PRELID3A: variants seen among roughly 807,000 people sequenced by gnomAD.
The protein encoded by PRELID3A is PRELI domain containing 3A, also known as PRELI domain containing protein 3A.
In PRELID3A, 27 loss-of-function variants were observed where a neutral mutation model predicts 23.0. The ratio of observed to expected loss-of-function variants is 1.17; its 90% CI spans 0.87 to 1.62. The LOEUF is 1.62. Among genes scored for constraint, PRELID3A ranks in the 40% most tolerant of loss-of-function variants. The pLI is 0.00. For synonymous variants in PRELID3A, 87 were observed against 86.4 expected, an observed-to-expected ratio of 1.01 and a Z score of -0.04; for missense variants, 231 against 231.4, an observed-to-expected ratio of 1.00 and a Z score of 0.01.
At chr18:12,429,459 TG>T in intron 6 of PRELID3A, 23 bp downstream of exon 6, 24 of 1,483,088 alleles carry the variant, frequency 1.6e-5, no homozygotes, top group East Asian at 2.3e-5. Context: ...TTCACTCACC[TG>T]GGGGGGTACT....
In PRELID3A at chr18:12,407,971, C is replaced by A; in HGVS notation, c.-5C>A. On this transcript the variant is annotated 5_prime_UTR_variant, in exon 1 of 7. Transcript: ENST00000440960. ...TCGCAGAGCCCGCGCCCTGCGCCGGCGGCAATGAAGATCTGGAGCTCGGAG... is the reference window on the plus strand; with the variant it reads ...TCGCAGAGCCCGCGCCCTGCGCCGGAGGCAATGAAGATCTGGAGCTCGGAG... The A allele has an allele frequency of 2.3e-6, 3 of 1,296,670 alleles. No individual in the cohort carries two copies. Among genetic ancestry groups the A allele is most frequent in the South Asian group, 2.5e-5 (1 of 40,328 alleles). 80.3% of individuals were successfully genotyped at this position (1,296,670 alleles called of 1,614,324 possible). A position where few individuals can be genotyped will look rare whatever the true frequency, so the allele number is the denominator to read the frequency against.
intron 3 of PRELID3A, among the ~76,000 whole-genome samples, chr18:12,424,817 C>T (rs2030303843): frequency 6.6e-6 from 1 of 152,186 alleles, no homozygotes; most frequent in African/African-American, 2.4e-5. Flanking sequence ...TGGCAGCCAC[C>T]AGCAACATGT....
intron 5 of PRELID3A, among the ~76,000 whole-genome samples, chr18:12,428,767 A>G (rs2143400966): frequency 6.6e-6 from 1 of 152,354 alleles, no homozygotes; most frequent in Non-Finnish European, 1.5e-5. Context: ...TGCTTGGCTT[A>G]GGGCAGAAGC....
chr18:12,429,139 C>T (rs935390165), intron 5 of PRELID3A, among the ~76,000 whole-genome samples: 1 of 152,178 alleles, frequency 6.6e-6, no homozygotes, highest in African/African-American at 2.4e-5. Flanking sequence ...GGTTTGCTAA[C>T]ACAGCAGTGA....
At position 12,423,971 on chromosome 18, in the gene PRELID3A, A is replaced by G. The variant is rs557277906; in HGVS notation, c.291+2342A>G. 9.1e-4 allele frequency among the ~76,000 whole-genome samples: 138 copies of G among 152,298 alleles called. 1 individual carries two copies. The highest frequency in any genetic ancestry group is 3.4e-3 in the Middle Eastern group (1 of 294). Reference sequence around the variant, plus strand: ...AGCCACACTCTGCCCAGCTGGGAGCACCTTCCGTAGAAGGCAGTGGGTGCA... The same window carrying G: ...AGCCACACTCTGCCCAGCTGGGAGCGCCTTCCGTAGAAGGCAGTGGGTGCA... On this transcript the variant is annotated intron_variant, in intron 3 of 6. Transcript: ENST00000440960.
chr18:12,411,147 G>C (rs921457426), intron 1 of PRELID3A, among the ~76,000 whole-genome samples: 2 of 151,844 alleles, frequency 1.3e-5, no homozygotes, highest in Non-Finnish European at 2.9e-5. Context: ...ATTAACGTGT[G>C]TGTTACCTAG....
chr18:12,424,510 G>A (rs1472238048), intron 3 of PRELID3A, among the ~76,000 whole-genome samples: 1 of 152,196 alleles, frequency 6.6e-6, no homozygotes, highest in Non-Finnish European at 1.5e-5. Flanking sequence ...ATTTGTAATT[G>A]ATGCTGTTAG....
intron 5 of PRELID3A, among the ~76,000 whole-genome samples, chr18:12,427,941 TGTCATAAGCTCA>T (rs931524891): frequency 2.4e-4 from 36 of 152,244 alleles, no homozygotes; most frequent in Admixed American, 1.6e-3. Context: ...AGAGCCCAAA[TGTCATAAGCTCA>T]GTTACCAAAG....
intron 3 of PRELID3A, among the ~76,000 whole-genome samples, chr18:12,424,821 AAC>A (rs1476526899): frequency 6.6e-6 from 1 of 152,252 alleles, no homozygotes; most frequent in African/African-American, 2.4e-5. Flanking sequence ...AGCCACCAGC[AAC>A]ATGTGGCTAT....
intron 1 of PRELID3A, among the ~76,000 whole-genome samples, chr18:12,409,564 A>AT (rs1195717863): frequency 2.0e-5 from 3 of 152,150 alleles, no homozygotes; most frequent in African/African-American, 7.2e-5. Context: ...ATGGGATCTA[A>AT]TTTTTTGTAT....
At chr18:12,430,676 G>A (rs549519812) in intron 6 of PRELID3A, among the ~76,000 whole-genome samples, 35 of 59,060 alleles carry the variant, frequency 5.9e-4, no homozygotes, top group Admixed American at 2.3e-3. Context: ...TGTATGATGT[G>A]TATGTGATTG....
chr18:12,407,954 C>T lies in PRELID3A; in HGVS notation c.-22C>T. On this transcript the variant is annotated 5_prime_UTR_variant, in exon 1 of 7. Transcript: ENST00000440960. ...GAAGCACCCGGCCCGGATCGCAGAG[C>T]CCGCGCCCTGCGCCGGCGGCAATGA... The T allele has an allele frequency of 1.5e-6, 2 of 1,294,074 alleles. No homozygotes were observed. The highest frequency in any genetic ancestry group is 2.0e-6 in the Non-Finnish European group (2 of 1,023,388). The allele number at this position is 1,294,074 out of a possible 1,614,324, so 80.2% of individuals were successfully genotyped here.
In PRELID3A at chr18:12,425,618, C is replaced by T. The variant is rs546729587; in HGVS notation, c.292-1423C>T. ...CTGCACTCCAGCCTGGGCGACAGAG[C>T]GAGACTCCATCTCAAAAAAAAAAAA... On this transcript the variant is annotated intron_variant, in intron 3 of 6. Coordinates refer to ENST00000440960, the MANE Select transcript of PRELID3A (RefSeq NM_001142405.2). 6.0e-4 allele frequency among the ~76,000 whole-genome samples: 87 copies of T among 143,864 alleles called. 1 individual carries two copies. The highest frequency in any genetic ancestry group is 1.6e-3 in the African/African-American group (63 of 38,522). 94.4% of individuals were successfully genotyped at this position (143,864 alleles called of 152,430 possible).
At position 12,407,962 on chromosome 18, in the gene PRELID3A, C is replaced by A. The variant is rs574283069; in HGVS notation, c.-14C>A. ...CGGCCCGGATCGCAGAGCCCGCGCC[C>A]TGCGCCGGCGGCAATGAAGATCTGG... is the stretch of plus-strand genomic sequence containing the variant. On this transcript the variant is annotated 5_prime_UTR_variant, in exon 1 of 7. The change creates a new upstream start codon in the 5' untranslated region. Coordinates refer to ENST00000440960, the MANE Select transcript of PRELID3A (RefSeq NM_001142405.2). 2 of 1,295,930 alleles carry A rather than the reference C, an allele frequency of 1.5e-6. No individual in the cohort carries two copies. The highest frequency in any genetic ancestry group is 9.8e-7 in the Non-Finnish European group (1 of 1,023,848). 80.3% of individuals were successfully genotyped at this position (1,295,930 alleles called of 1,614,324 possible). A position where few individuals can be genotyped will look rare whatever the true frequency, so the allele number is the denominator to read the frequency against.
intron 5 of PRELID3A, 147 bp downstream of exon 5, chr18:12,427,470 G>A: frequency 1.5e-6 from 1 of 648,042 alleles, no homozygotes. Context: ...GCCAACGCAG[G>A]TGGACCGCTT....
At position 12,426,637 on chromosome 18, in the gene PRELID3A, T is replaced by TCTC. The variant is rs535377995; in HGVS notation, c.292-402_292-400dup. On this transcript the variant is annotated intron_variant, in intron 3 of 6. Coordinates refer to ENST00000440960, the MANE Select transcript of PRELID3A (RefSeq NM_001142405.2). ...ACTGGAGGAGACAAGAACCCTGCAG[T>TCTC]CTCCATGTAGATTCAGAGTCTGTCC... 1.9e-4 allele frequency among the ~76,000 whole-genome samples: 28 copies of TCTC among 151,156 alleles called. 1 individual carries two copies. In the South Asian group the frequency reaches 4.4e-3, roughly 24 times the overall value.
intron 3 of PRELID3A, among the ~76,000 whole-genome samples, chr18:12,422,991 A>G (rs1008206896): frequency 6.6e-6 from 1 of 152,126 alleles, no homozygotes; most frequent in African/African-American, 2.4e-5. Flanking sequence ...AAGGATTAAG[A>G]TATTTCCTCC....
At chr18:12,408,232 C>T (rs1453781359) in intron 1 of PRELID3A, among the ~76,000 whole-genome samples, 1 of 151,888 alleles carries the variant, frequency 6.6e-6, no homozygotes, top group Non-Finnish European at 1.5e-5. Context: ...ACGGCCTCTC[C>T]CCCGGCGTGC....
rs544321473 is a variant in PRELID3A, at chr18:12,419,721, C to T, written c.33-604C>T. On this transcript the variant is annotated intron_variant, in intron 1 of 6. Transcript: ENST00000440960. Reference sequence around the variant, plus strand: ...TTGGGAGGCCGAGGCGGGCAGATCACGAGGTCAGGAGATCGAGAGCACGGT... The same window carrying T: ...TTGGGAGGCCGAGGCGGGCAGATCATGAGGTCAGGAGATCGAGAGCACGGT... Among the ~76,000 whole-genome samples, 6 of 151,480 alleles carry T rather than the reference C, an allele frequency of 4.0e-5. No individual in the cohort carries two copies. In the East Asian group the frequency reaches 1.2e-3, roughly 30 times the overall value.
Sources: allele counts gnomAD v4.1 joint callset (sites outside exome capture counted in the v4.1 genomes callset), GRCh38; gene constraint gnomAD v4.1.1; transcripts MANE v1.5; gene names NCBI Gene and HGNC (gene_info 2026-07-23, HGNC 2026-07-21).